IPCEF1: variants seen among roughly 807,000 people sequenced by gnomAD.
IPCEF1 encodes the protein interactor protein for cytohesin exchange factors 1.
IPCEF1 carries 31 observed loss-of-function variants against 50.9 expected under a neutral mutation model. The ratio of observed to expected loss-of-function variants is 0.61; its 90% confidence interval spans 0.46 to 0.82. The LOEUF (loss-of-function observed/expected upper bound fraction) is 0.82. IPCEF1 is among the 40% of genes least tolerant of loss of function. IPCEF1 has a pLI of 0.00. For synonymous variants in IPCEF1, 181 were observed against 192.0 expected, an observed-to-expected ratio of 0.94 and a Z score of 0.47; for missense variants, 458 against 514.0, an observed-to-expected ratio of 0.89 and a Z score of 1.05.
At chr6:154,271,408 G>A (rs1781899047) in intron 2 of IPCEF1, among the ~76,000 whole-genome samples, 1 of 151,876 alleles carries the variant, frequency 6.6e-6, no homozygotes, top group Non-Finnish European at 1.5e-5. Context: ...ATAGTGGAAT[G>A]AAAATATGAG....
chr6:154,183,477 T>C (rs1801074235), intron 10 of IPCEF1, among the ~76,000 whole-genome samples: 4 of 152,192 alleles, frequency 2.6e-5, no homozygotes, highest in South Asian at 2.1e-4. Flanking sequence ...AAAAATTATA[T>C]TCTAAATAAA....
At chr6:154,312,247 T>C (rs952727350) in intron 1 of IPCEF1, among the ~76,000 whole-genome samples, 4 of 152,198 alleles carry the variant, frequency 2.6e-5, no homozygotes, top group African/African-American at 4.8e-5. Context: ...CTCATTTATA[T>C]GTGGAACCTA....
At position 154,291,680 on chromosome 6, in the gene IPCEF1, G is replaced by GTTT. The variant is rs34064925; in HGVS notation, c.-61-1927_-61-1925dup. 3.4e-3 allele frequency among the ~76,000 whole-genome samples: 353 copies of GTTT among 104,404 alleles called. 3 individuals are homozygous for GTTT. Among genetic ancestry groups the GTTT allele is most frequent in the East Asian group, 7.8e-3 (23 of 2,956 alleles). The allele number at this position is 104,404 out of a possible 152,430, so 68.5% of individuals were successfully genotyped here. A position where few individuals can be genotyped will look rare whatever the true frequency, so the allele number is the denominator to read the frequency against. On this transcript the variant is annotated intron_variant, in intron 1 of 11. Transcript: ENST00000367220. ...TTAATAATGATCACACTCAGGAAAGGTTTTTTTTTTTTTTTTTTTTTTGAG... is the reference window on the plus strand; with the variant it reads ...TTAATAATGATCACACTCAGGAAAGGTTTTTTTTTTTTTTTTTTTTTTTTTGAG...
At chr6:154,229,277 T>A (rs185878756) in intron 5 of IPCEF1, among the ~76,000 whole-genome samples, 158 of 152,190 alleles carry the variant, frequency 1.0e-3, no homozygotes, top group African/African-American at 3.5e-3. Flanking sequence ...ATGAATGAAC[T>A]ATAATCTTTT....
chr6:154,272,774 T>C lies in IPCEF1; in HGVS notation c.-17-6810A>G, dbSNP rs546110504. Among the ~76,000 whole-genome samples the C allele has an allele frequency of 4.6e-5, 7 of 152,332 alleles. No homozygotes were observed. The East Asian group carries it at 1.3e-3, about 29-fold the overall frequency. On this transcript the variant is annotated intron_variant, in intron 2 of 11. Transcript: ENST00000367220. ...AGTTATTTAAGATAGAAATATGGAC[T>C]CTCATCCTATACTATTTTAAACCCA...
At position 154,199,994 on chromosome 6, in the gene IPCEF1, G is replaced by C. The variant is rs764009943; in HGVS notation, c.584C>G (p.Ser195Trp). Residue 195 changes from serine (S) to tryptophan (W), a missense_variant, in exon 10 of 12, where the codon TCG (serine) becomes TGG (tryptophan). By Grantham distance (177) the Ser-to-Trp change is radical (BLOSUM62 -3). Transcript: ENST00000367220. The stretch of plus-strand genomic sequence containing the variant: ...ATTTTCCAGGGAAGAGAAAGAATAC[G>C]ACGTTCCACTCAGGCTGGGTGAGGA... ...SSSSPSLSGT[S>W]YSFSSLENTV... 3.1e-6 allele frequency: 5 copies of C among 1,613,978 alleles called. No homozygotes were observed. Among genetic ancestry groups the C allele is most frequent in the Non-Finnish European group, 4.2e-6 (5 of 1,179,992 alleles).
intron 7 of IPCEF1, among the ~76,000 whole-genome samples, chr6:154,218,629 G>A (rs1359690015): frequency 6.6e-6 from 1 of 152,184 alleles, no homozygotes; most frequent in Non-Finnish European, 1.5e-5. Flanking sequence ...TTATTGCAAA[G>A]TAAATCTCTA....
chr6:154,219,866 C>T (rs1283541079), intron 7 of IPCEF1, among the ~76,000 whole-genome samples: 3 of 152,096 alleles, frequency 2.0e-5, no homozygotes, highest in African/African-American at 2.4e-5. Flanking sequence ...CAGAGCTTCC[C>T]GACTTTCTAC....
rs1013018385 is a variant in IPCEF1, at chr6:154,221,845, G to C, written c.321-517C>G. ...GCCGAGATCATGCCACTGCACTCCA[G>C]TCTGGGTGACAGAGGAAGACTCCGT... is the stretch of plus-strand genomic sequence containing the variant. On this transcript the variant is annotated intron_variant, in intron 6 of 11. Transcript: ENST00000367220. 3.9e-5 allele frequency among the ~76,000 whole-genome samples: 6 copies of C among 152,306 alleles called. No homozygotes were observed. In the East Asian group the frequency reaches 1.2e-3, roughly 29 times the overall value.
At chr6:154,222,379 GA>G (rs1363508788) in intron 6 of IPCEF1, among the ~76,000 whole-genome samples, 1 of 152,196 alleles carries the variant, frequency 6.6e-6, no homozygotes, top group African/African-American at 2.4e-5. Flanking sequence ...CTTGTTAAAA[GA>G]AAACTACTCA....
chr6:154,208,695 G>A (rs867114137), intron 9 of IPCEF1, among the ~76,000 whole-genome samples: 38 of 152,118 alleles, frequency 2.5e-4, no homozygotes, highest in Admixed American at 5.2e-4. Context: ...AAACTTGAAG[G>A]AAAAATACCT....
intron 9 of IPCEF1, among the ~76,000 whole-genome samples, chr6:154,208,060 G>T (rs540430261): frequency 6.6e-6 from 1 of 152,156 alleles, no homozygotes; most frequent in Non-Finnish European, 1.5e-5. Context: ...CCACTTCCCA[G>T]TGTCTGTTGC....
chr6:154,215,159 T>C (rs1778286698), intron 7 of IPCEF1, among the ~76,000 whole-genome samples: 1 of 152,166 alleles, frequency 6.6e-6, no homozygotes, highest in African/African-American at 2.4e-5. Flanking sequence ...CCATGGGCAA[T>C]GAACAAGCCA....
intron 9 of IPCEF1, among the ~76,000 whole-genome samples, chr6:154,205,250 C>T (rs1446773103): frequency 6.6e-6 from 1 of 152,148 alleles, no homozygotes; most frequent in Non-Finnish European, 1.5e-5. Flanking sequence ...GGAGAAGACA[C>T]CATCTAGTTC....
chr6:154,190,382 T>C (rs1346923715), intron 10 of IPCEF1, among the ~76,000 whole-genome samples: 1 of 152,130 alleles, frequency 6.6e-6, no homozygotes, highest in Non-Finnish European at 1.5e-5. Context: ...AAAGAAGGCA[T>C]ATAAATAGCA....
intron 10 of IPCEF1, among the ~76,000 whole-genome samples, chr6:154,180,093 A>G (rs1800702923): frequency 6.6e-6 from 1 of 152,100 alleles, no homozygotes; most frequent in Middle Eastern, 3.2e-3. Context: ...ATAAAGCAGC[A>G]CTCTGTATTA....
intron 1 of IPCEF1, among the ~76,000 whole-genome samples, chr6:154,316,788 T>G (rs1472199858): frequency 1.3e-5 from 2 of 152,216 alleles, no homozygotes; most frequent in African/African-American, 2.4e-5. Context: ...AAAATGAGTA[T>G]GTAAGATTAG....
intron 3 of IPCEF1, among the ~76,000 whole-genome samples, chr6:154,259,370 G>A (rs6922319): frequency 0.37 from 56,433 of 152,018 alleles, 10,863 homozygotes; most frequent in Middle Eastern, 0.47. Flanking sequence ...TATGAAATGC[G>A]CGCTGGGCAT....
At chr6:154,346,562 C>T (rs2128700306) in intron 1 of IPCEF1, among the ~76,000 whole-genome samples, 2 of 152,244 alleles carry the variant, frequency 1.3e-5, no homozygotes, top group East Asian at 3.9e-4. Flanking sequence ...GAAGAAATAC[C>T]TGAGACTCGG....
Sources: gnomAD v4.1 joint callset for allele counts (sites outside exome capture counted in the v4.1 genomes callset) on GRCh38, gnomAD v4.1.1 for gene constraint, MANE v1.5 for transcripts, NCBI Gene and HGNC (gene_info 2026-07-23, HGNC 2026-07-21) for gene names.